Variants in HEPH observed in about 807,000 individuals in gnomAD.
HEPH encodes hephaestin.
A neutral mutation model predicts 80.8 loss-of-function variants in HEPH; 69 were observed. The observed-to-expected ratio is 0.85, with a 90% CI of 0.70 to 1.04. The LOEUF (loss-of-function observed/expected upper bound fraction) is 1.04. Ranked by LOEUF, HEPH falls within the 50% of genes least tolerant of loss-of-function variation. The probability of loss-of-function intolerance (pLI) is 0.00; values close to 1 mark genes in which losing one functional copy is unlikely to be tolerated. For synonymous variants in HEPH, 431 were observed against 322.8 expected, an observed-to-expected ratio of 1.34 and a Z score of -3.60; for missense variants, 1,115 against 891.3, an observed-to-expected ratio of 1.25 and a Z score of -3.20.
At chrX:66,187,599 C>A (rs2087535707) in intron 4 of HEPH, among the ~76,000 whole-genome samples, 1 of 111,774 alleles carries the variant, frequency 8.9e-6, no homozygotes, top group African/African-American at 3.3e-5. Context: ...GTGATGCGAA[C>A]TGTGTATGGG....
chrX:66,173,466 A>G (rs2086675656), intron 3 of HEPH, 123 bp from the exon 4 acceptor site: 1 of 475,346 alleles, frequency 2.1e-6, no homozygotes. Flanking sequence ...TATGTAGGTC[A>G]TTAGCATGCT....
intron 4 of HEPH, among the ~76,000 whole-genome samples, chrX:66,180,656 T>TG (rs1181356179): frequency 2.0e-5 from 2 of 100,238 alleles, no homozygotes; most frequent in Non-Finnish European, 4.0e-5. Flanking sequence ...CTGTATTTTT[T>TG]TTTTTCAGTC....
At chrX:66,214,092 G>A (rs1363905333) in intron 15 of HEPH, among the ~76,000 whole-genome samples, 1 of 111,977 alleles carries the variant, frequency 8.9e-6, no homozygotes, top group Non-Finnish European at 1.9e-5. Flanking sequence ...AATTAGTACA[G>A]GGTCTGTGCT....
At chrX:66,193,982 G>T (rs988815060) in intron 8 of HEPH, among the ~76,000 whole-genome samples, 1 of 111,464 alleles carries the variant, frequency 9.0e-6, no homozygotes, top group Admixed American at 9.5e-5. Context: ...ATTCCTAAAG[G>T]GCTATATAAG....
At chrX:66,176,593 C>A (rs1037210980) in intron 4 of HEPH, among the ~76,000 whole-genome samples, 6 of 111,440 alleles carry the variant, frequency 5.4e-5, no homozygotes, top group Non-Finnish European at 7.5e-5. Flanking sequence ...TGGTGCGCTG[C>A]ACCCATTACC....
At chrX:66,181,954 G>A (rs1339045899) in intron 4 of HEPH, among the ~76,000 whole-genome samples, 1 of 110,533 alleles carries the variant, frequency 9.0e-6, no homozygotes, top group Non-Finnish European at 1.9e-5. Context: ...TATTAAATAG[G>A]GAATCCTTTT....
At chrX:66,196,896 C>CTT (rs1215586565) in intron 9 of HEPH, among the ~76,000 whole-genome samples, 2 of 95,317 alleles carry the variant, frequency 2.1e-5, no homozygotes, top group East Asian at 6.6e-4. Flanking sequence ...TTTTGGTGTA[C>CTT]TTTTTTTTTT....
chrX:66,189,982 A>T, intron 6 of HEPH, 44 bp downstream of exon 6: 1 of 1,130,294 alleles, frequency 8.8e-7, no homozygotes, highest in Non-Finnish European at 1.2e-6. Flanking sequence ...AGAGAGAGGT[A>T]TGATAATGGT....
intron 15 of HEPH, among the ~76,000 whole-genome samples, chrX:66,214,962 T>C (rs2089323777): frequency 9.0e-6 from 1 of 111,695 alleles, no homozygotes; most frequent in African/African-American, 3.2e-5. Flanking sequence ...TAGGTGTATG[T>C]TATTTTTCCA....
chrX:66,236,105 C>G (rs917378072), intron 15 of HEPH, among the ~76,000 whole-genome samples: 1 of 111,137 alleles, frequency 9.0e-6, no homozygotes, highest in African/African-American at 3.3e-5. Flanking sequence ...TTTTTTATTT[C>G]TCTTACCTGA....
intron 12 of HEPH, 55 bp from the exon 13 acceptor site, chrX:66,203,309 C>A: frequency 9.5e-7 from 1 of 1,051,741 alleles, no homozygotes; most frequent in Non-Finnish European, 1.3e-6. Context: ...GGAAATCCCC[C>A]AGGCACTACC....
At chrX:66,186,793 T>A (rs1475917485) in intron 4 of HEPH, among the ~76,000 whole-genome samples, 6 of 112,434 alleles carry the variant, frequency 5.3e-5, no homozygotes, top group African/African-American at 1.3e-4. Flanking sequence ...AGGGAAGTTT[T>A]CCCCTATTGC....
chrX:66,198,339 C>T (rs2088225125), intron 10 of HEPH, among the ~76,000 whole-genome samples: 1 of 111,468 alleles, frequency 9.0e-6, no homozygotes. Context: ...TCTTTGACTC[C>T]GTTTCCTCAT....
intron 19 of HEPH, 80 bp downstream of exon 19, chrX:66,260,342 CTTGA>C: frequency 1.2e-6 from 1 of 802,559 alleles, no homozygotes; most frequent in Admixed American, 2.6e-5. Flanking sequence ...CAAAAAGCCT[CTTGA>C]TTGTCTCCTT....
chrX:66,173,899 G>T, intron 4 of HEPH, 98 bp downstream of exon 4: 1 of 539,441 alleles, frequency 1.9e-6, no homozygotes, highest in South Asian at 4.7e-5. Flanking sequence ...GCAGCCTGAG[G>T]AGTGCTAATT....
intron 15 of HEPH, among the ~76,000 whole-genome samples, chrX:66,243,060 G>A (rs922525190): frequency 1.1e-4 from 12 of 111,635 alleles, no homozygotes; most frequent in African/African-American, 3.3e-4. Flanking sequence ...GACACCTGAC[G>A]TGCATATTCA....
chrX:66,200,471 A>G (rs1288980475), intron 11 of HEPH, 69 bp from the exon 12 acceptor site: 4 of 878,899 alleles, frequency 4.6e-6, no homozygotes, highest in Non-Finnish European at 6.4e-6. Flanking sequence ...AGCTGATGCC[A>G]TGCTCCTGGC....
chrX:66,176,136 A>G (rs934403387), intron 4 of HEPH, among the ~76,000 whole-genome samples: 1 of 111,810 alleles, frequency 8.9e-6, no homozygotes, highest in African/African-American at 3.2e-5. Flanking sequence ...ATTCAGTATA[A>G]TGTTGGCTGT....
In HEPH at chrX:66,164,815, C is replaced by G. The variant is rs977202874; in HGVS notation, c.-14+345C>G. Among the ~76,000 whole-genome samples, 3 of 112,112 alleles carry G rather than the reference C, an allele frequency of 2.7e-5. No individual in the cohort carries two copies. In the Admixed American group the frequency reaches 2.8e-4, roughly 11 times the overall value. ...GATCTGAGGATTATGTAAGTGGGAA[C>G]TCAGTTACTTAAAAATAACCATGTT... is the stretch of plus-strand genomic sequence containing the variant. On this transcript the variant is annotated intron_variant, in intron 1 of 20. Coordinates refer to ENST00000343002, the MANE Select transcript of HEPH (RefSeq NM_001367233.3).
Sources: allele counts gnomAD v4.1 joint callset (sites outside exome capture counted in the v4.1 genomes callset), GRCh38; gene constraint gnomAD v4.1.1; transcripts MANE v1.5; gene names NCBI Gene and HGNC (gene_info 2026-07-23, HGNC 2026-07-21).